Variants in FCAR observed in about 807,000 individuals in gnomAD.
FCAR encodes immunoglobulin alpha Fc receptor.
Under a neutral mutation model 27.1 loss-of-function variants are expected in FCAR, and 21 were observed. The ratio of observed to expected loss-of-function variants is 0.77; its 90% confidence interval spans 0.55 to 1.11. FCAR has a LOEUF of 1.11. FCAR is among the 50% of genes most tolerant of loss of function. The pLI is 0.00. For missense variants in FCAR, 404 were observed against 358.4 expected, an observed-to-expected ratio of 1.13 and a Z score of -1.03; for synonymous variants, 134 against 135.8, an observed-to-expected ratio of 0.99 and a Z score of 0.09.
At chr19:54,875,394 C>T (rs1367224071) in intron 2 of FCAR, 29 bp downstream of exon 2, 1 of 1,600,076 alleles carries the variant, frequency 6.2e-7, no homozygotes, top group Non-Finnish European at 8.6e-7. Flanking sequence ...TCTCCCAGCC[C>T]CTTTAGACCC....
At chr19:54,875,226 A>G in intron 1 of FCAR, 104 bp from the exon 2 acceptor site, 1 of 873,398 alleles carries the variant, frequency 1.1e-6, no homozygotes, top group Non-Finnish European at 1.8e-6. Context: ...TTGAGCTGTG[A>G]ATCCATCTGG....
chr19:54,889,340 C>G (rs1208764466), intron 4 of FCAR, among the ~76,000 whole-genome samples: 2 of 146,006 alleles, frequency 1.4e-5, no homozygotes, highest in African/African-American at 5.1e-5. Context: ...CCACTGCACT[C>G]CAGCCTGGGC....
intron 3 of FCAR, among the ~76,000 whole-genome samples, chr19:54,886,872 A>C (rs1208034838): frequency 1.3e-5 from 2 of 152,208 alleles, no homozygotes; most frequent in African/African-American, 4.8e-5. Flanking sequence ...TGCAGGCAAG[A>C]CCACAGAAGC....
Position 54,889,918 on chromosome 19 carries a change from C to A in FCAR, c.*55C>A. 1.6e-6 allele frequency: 2 copies of A among 1,259,706 alleles called. No homozygotes were observed. Among genetic ancestry groups the A allele is most frequent in the Non-Finnish European group, 2.3e-6 (2 of 878,750 alleles). The allele number at this position is 1,259,706 out of a possible 1,614,324, so 78.0% of individuals were successfully genotyped here. On this transcript the variant is annotated 3_prime_UTR_variant, in exon 5 of 5. Coordinates refer to ENST00000355524, the MANE Select transcript of FCAR (RefSeq NM_002000.4). Reference sequence around the variant, plus strand: ...AGGACTGTGGAGTCCGACAAAGCTACTTGAAGGACACAAGAGAGAAAAGCT... The same window carrying A: ...AGGACTGTGGAGTCCGACAAAGCTAATTGAAGGACACAAGAGAGAAAAGCT...
intron 4 of FCAR, 42 bp downstream of exon 4, chr19:54,888,336 C>T (rs1254261823): frequency 6.2e-7 from 1 of 1,605,620 alleles, no homozygotes; most frequent in Non-Finnish European, 8.5e-7. Context: ...GGTTGGCTGT[C>T]CAGGGCCTTG....
Position 54,885,540 on chromosome 19 carries a change from AG to A in FCAR, c.361+18del. On this transcript the variant is annotated intron_variant, in intron 3 of 4. Coordinates refer to ENST00000355524, the MANE Select transcript of FCAR (RefSeq NM_002000.4). Reference sequence around the variant, plus strand: ...GGTAGTGACAGGTAAGGAAACATCCAGGGTCCACAGCCCTGGTGTGATTTTT... The same window carrying A: ...GGTAGTGACAGGTAAGGAAACATCCAGGTCCACAGCCCTGGTGTGATTTTT... 6.3e-7 allele frequency: 1 copy of A among 1,588,460 alleles called. No individual in the cohort carries two copies. Among genetic ancestry groups the A allele is most frequent in the African/African-American group, 1.3e-5 (1 of 74,488 alleles).
chr19:54,885,629 G>A (rs2066676274), intron 3 of FCAR, 104 bp downstream of exon 3: 1 of 845,584 alleles, frequency 1.2e-6, no homozygotes, highest in Non-Finnish European at 1.8e-6. Context: ...AAAAATTGAT[G>A]ATTGCTTCAG....
intron 2 of FCAR, among the ~76,000 whole-genome samples, chr19:54,884,031 G>A (rs139751710): frequency 1.1e-3 from 169 of 152,348 alleles, no homozygotes; most frequent in Admixed American, 2.7e-3. Context: ...GGTCTGCAGC[G>A]CTGGAAGACC....
chr19:54,879,966 T>C (rs2066321778), intron 2 of FCAR, among the ~76,000 whole-genome samples: 2 of 152,242 alleles, frequency 1.3e-5, no homozygotes, highest in Non-Finnish European at 1.5e-5. Flanking sequence ...ATTACAGGCG[T>C]GAGCCACCGC....
chr19:54,883,115 C>G (rs2066515211), intron 2 of FCAR, among the ~76,000 whole-genome samples: 1 of 152,072 alleles, frequency 6.6e-6, no homozygotes, highest in South Asian at 2.1e-4. Context: ...AAGTGATCCT[C>G]CTGCCTCAGC....
intron 2 of FCAR, among the ~76,000 whole-genome samples, chr19:54,882,113 C>T (rs907495256): frequency 2.0e-5 from 3 of 152,080 alleles, no homozygotes; most frequent in South Asian, 2.1e-4. Context: ...TCTGCACTCC[C>T]GAGCTGGGGG....
rs1003017573 is a variant in FCAR, at chr19:54,887,991, C to G, written c.362-16C>G. On this transcript the variant is annotated splice_polypyrimidine_tract_variant and intron_variant, in intron 3 of 4. Transcript: ENST00000355524. ...GAGAAAAGGTCTTTCTAATAGCTCA[C>G]TCTTTTCTCTCTTAGGCTTGTATGG... 2 of 1,583,372 alleles carry G rather than the reference C, an allele frequency of 1.3e-6. No individual in the cohort carries two copies. Among genetic ancestry groups the G allele is most frequent in the Non-Finnish European group, 1.7e-6 (2 of 1,161,910 alleles).
At chr19:54,884,364 G>A (rs1160320921) in intron 2 of FCAR, among the ~76,000 whole-genome samples, 1 of 152,184 alleles carries the variant, frequency 6.6e-6, no homozygotes, top group African/African-American at 2.4e-5. Flanking sequence ...AGGTGCGGTG[G>A]CTCACGCTTG....
At chr19:54,889,616 C>A in intron 4 of FCAR, 33 bp from the exon 5 acceptor site, 1 of 1,562,216 alleles carries the variant, frequency 6.4e-7, no homozygotes, top group East Asian at 2.2e-5. Flanking sequence ...AACACAACCA[C>A]CAACCATTCA....
At chr19:54,886,297 CTTTA>C (rs1477949650) in intron 3 of FCAR, among the ~76,000 whole-genome samples, 3,526 of 79,900 alleles carry the variant, frequency 0.044, 643 homozygotes, top group African/African-American at 0.18. Flanking sequence ...TGTCATGTAT[CTTTA>C]TTTTTTTTTT....
chr19:54,879,920 C>T (rs587614961), intron 2 of FCAR, among the ~76,000 whole-genome samples: 3 of 152,138 alleles, frequency 2.0e-5, no homozygotes, highest in Non-Finnish European at 4.4e-5. Context: ...CTCCTGACCT[C>T]GTGATCCGCC....
At position 54,875,182 on chromosome 19, in the gene FCAR, A is replaced by G. The variant is rs565820100; in HGVS notation, c.35-148A>G. ...CGAGACTCTGTCTCAAAAAAAAAAA[A>G]AAATGCCAGCTCTTCTTTATATATC... On this transcript the variant is annotated intron_variant, in intron 1 of 4. Transcript: ENST00000355524. 31 of 649,428 alleles carry G rather than the reference A, an allele frequency of 4.8e-5. No individual in the cohort carries two copies. In the East Asian group the frequency reaches 7.8e-4, roughly 16 times the overall value. The allele number at this position is 649,428 out of a possible 1,614,324, so 40.2% of individuals were successfully genotyped here.
chr19:54,885,768 TTC>T (rs2066684814), intron 3 of FCAR, among the ~76,000 whole-genome samples: 1 of 152,188 alleles, frequency 6.6e-6, no homozygotes, highest in Non-Finnish European at 1.5e-5. Flanking sequence ...TATTTACATT[TTC>T]TTAGTTTTTA....
At chr19:54,882,812 G>A (rs191831562) in intron 2 of FCAR, among the ~76,000 whole-genome samples, 55 of 152,080 alleles carry the variant, frequency 3.6e-4, no homozygotes, top group African/African-American at 1.3e-3. Flanking sequence ...ACAGTCGCTT[G>A]GCTTCATTTC....
Sources: allele counts gnomAD v4.1 joint callset (sites outside exome capture counted in the v4.1 genomes callset), GRCh38; gene constraint gnomAD v4.1.1; transcripts MANE v1.5; gene names NCBI Gene and HGNC (gene_info 2026-07-23, HGNC 2026-07-21).